COL14A1: variants seen among roughly 807,000 people sequenced by gnomAD.
COL14A1 encodes collagen type XIV alpha 1 chain.
A neutral mutation model predicts 230.3 loss-of-function variants in COL14A1; 136 were observed. That is an observed-to-expected ratio of 0.59 (90% confidence interval 0.51 to 0.68). The LOEUF is 0.68. Ranked by LOEUF, COL14A1 falls within the 30% of genes least tolerant of loss-of-function variation. The probability of loss-of-function intolerance (pLI) is 0.00; values close to 1 mark genes in which losing one functional copy is unlikely to be tolerated. For missense variants in COL14A1, 1,976 were observed against 2,215.8 expected, an observed-to-expected ratio of 0.89 and a Z score of 2.17; for synonymous variants, 792 against 784.1, an observed-to-expected ratio of 1.01 and a Z score of -0.17.
At chr8:120,337,286 C>T (rs770466273) in intron 42 of COL14A1, among the ~76,000 whole-genome samples, 6 of 151,562 alleles carry the variant, frequency 4.0e-5, no homozygotes, top group Non-Finnish European at 8.8e-5. Context: ...ATCCCAGCTA[C>T]TCAGGAAGCT....
chr8:120,270,691 T>C (rs1439794411), intron 26 of COL14A1, among the ~76,000 whole-genome samples: 1 of 151,680 alleles, frequency 6.6e-6, no homozygotes, highest in Non-Finnish European at 1.5e-5. Context: ...GACATACCAG[T>C]CAGAATGGCT....
rs781626748 is a variant in COL14A1, at chr8:120,226,306, T to TA, written c.1865-321_1865-320insA. Among the ~76,000 whole-genome samples, 239 of 141,730 alleles carry TA rather than the reference T, an allele frequency of 1.7e-3. 2 individuals are homozygous for TA. The East Asian group carries it at 0.027, about 16-fold the overall frequency. The allele number at this position is 141,730 out of a possible 152,430, so 93.0% of individuals were successfully genotyped here. On this transcript the variant is annotated intron_variant, in intron 15 of 47. Coordinates refer to ENST00000297848, the MANE Select transcript of COL14A1 (RefSeq NM_021110.4). ...CCTCAAGATACTTGGAAAATAATAT[T>TA]TAAAAAAAAAATGAATATGGCACTC... is the stretch of plus-strand genomic sequence containing the variant.
At chr8:120,152,062 T>C (rs141009632) in intron 2 of COL14A1, among the ~76,000 whole-genome samples, 1 of 152,280 alleles carries the variant, frequency 6.6e-6, no homozygotes, top group East Asian at 1.9e-4. Flanking sequence ...CCCGGTGAGA[T>C]TGATTTCAAA....
At chr8:120,345,692 C>A in intron 45 of COL14A1, 129 bp downstream of exon 45, 1 of 816,194 alleles carries the variant, frequency 1.2e-6, no homozygotes, top group Non-Finnish European at 1.7e-6. Context: ...CCCATCTATT[C>A]TTCAGTTTCT....
chr8:120,191,793 T>G (rs945343212), intron 5 of COL14A1, among the ~76,000 whole-genome samples: 6 of 152,266 alleles, frequency 3.9e-5, no homozygotes, highest in African/African-American at 1.2e-4. Context: ...CCTTTACAAT[T>G]ATGTAATGGC....
At chr8:120,182,227 C>T (rs1204176531) in intron 5 of COL14A1, among the ~76,000 whole-genome samples, 1 of 152,128 alleles carries the variant, frequency 6.6e-6, no homozygotes, top group Non-Finnish European at 1.5e-5. Context: ...ATTTTTAAAA[C>T]AATCAGATAC....
At chr8:120,251,371 T>A (rs547218982) in intron 22 of COL14A1, among the ~76,000 whole-genome samples, 1 of 152,298 alleles carries the variant, frequency 6.6e-6, no homozygotes, top group South Asian at 2.1e-4. Context: ...AATGTCAAAG[T>A]TGGAGCAGGA....
At chr8:120,177,685 A>G (rs1251968227) in intron 5 of COL14A1, among the ~76,000 whole-genome samples, 1 of 134,374 alleles carries the variant, frequency 7.4e-6, no homozygotes, top group Non-Finnish European at 1.6e-5. Context: ...CTGTATACAT[A>G]TAAAAAGACT....
chr8:120,199,854 G>C (rs979411449), intron 8 of COL14A1, among the ~76,000 whole-genome samples: 21 of 151,952 alleles, frequency 1.4e-4, no homozygotes, highest in Non-Finnish European at 2.9e-5. Context: ...GTACATGTTT[G>C]TTACTGTTTA....
intron 42 of COL14A1, 106 bp from the exon 43 acceptor site, chr8:120,341,219 A>G (rs1370542801): frequency 6.5e-6 from 7 of 1,085,026 alleles, no homozygotes; most frequent in Middle Eastern, 2.1e-4. Flanking sequence ...CTGCAGAATT[A>G]CTGGTGCTAA....
chr8:120,310,531 G>A (rs1179898732), intron 37 of COL14A1, among the ~76,000 whole-genome samples: 1 of 152,124 alleles, frequency 6.6e-6, no homozygotes, highest in Non-Finnish European at 1.5e-5. Context: ...ATCAAATGTG[G>A]TGGTTCAGGT....
In COL14A1 at chr8:120,198,072, C is replaced by T. The variant is rs1270562675; in HGVS notation, c.712+142C>T. 6.2e-6 allele frequency: 5 copies of T among 804,966 alleles called. No individual in the cohort carries two copies. In the African/African-American group the frequency reaches 8.7e-5, roughly 14 times the overall value. The allele number at this position is 804,966 out of a possible 1,614,324, so 49.9% of individuals were successfully genotyped here. On this transcript the variant is annotated intron_variant, in intron 7 of 47. Transcript: ENST00000297848. ...ATTCTTTGATGGCTGTTTTCCCAAA[C>T]TCAGCATTGAGTTAAAAGCCAGATA...
In COL14A1 at chr8:120,283,816, G is replaced by T. The variant is rs1448738762; in HGVS notation, c.3967+38G>T. ...ATTGAGATCACATTCACATATACATGTATGAGTAATGTATGTGGCATGCCA... is the reference window on the plus strand; with the variant it reads ...ATTGAGATCACATTCACATATACATTTATGAGTAATGTATGTGGCATGCCA... On this transcript the variant is annotated intron_variant, in intron 32 of 47. Coordinates refer to ENST00000297848, the MANE Select transcript of COL14A1 (RefSeq NM_021110.4). 4.5e-6 allele frequency: 7 copies of T among 1,552,354 alleles called. No individual in the cohort carries two copies. The African/African-American group carries it at 8.2e-5, about 18-fold the overall frequency.
At chr8:120,250,083 C>T (rs548614521) in intron 21 of COL14A1, among the ~76,000 whole-genome samples, 1 of 152,260 alleles carries the variant, frequency 6.6e-6, no homozygotes, top group South Asian at 2.1e-4. Flanking sequence ...AAAATGCTAG[C>T]TAATCAAGGG....
intron 21 of COL14A1, among the ~76,000 whole-genome samples, chr8:120,249,949 G>A (rs1194027134): frequency 6.6e-6 from 1 of 152,178 alleles, no homozygotes; most frequent in Non-Finnish European, 1.5e-5. Flanking sequence ...AGCTCTTAAA[G>A]AATGAGCATG....
At chr8:120,223,675 AAAC>A (rs1260186780) in intron 14 of COL14A1, among the ~76,000 whole-genome samples, 6 of 152,146 alleles carry the variant, frequency 3.9e-5, no homozygotes, top group Admixed American at 2.0e-4. Context: ...TGTCTCCAAA[AAAC>A]AACAACAAAA....
intron 35 of COL14A1, among the ~76,000 whole-genome samples, chr8:120,299,940 T>A (rs1820659527): frequency 6.6e-6 from 1 of 152,164 alleles, no homozygotes; most frequent in Non-Finnish European, 1.5e-5. Context: ...CCAAAGGGAC[T>A]GATGAACTCT....
At chr8:120,192,029 C>A (rs978184257) in intron 5 of COL14A1, among the ~76,000 whole-genome samples, 19 of 151,528 alleles carry the variant, frequency 1.3e-4, no homozygotes, top group South Asian at 1.0e-3. Flanking sequence ...TTAATTGGAG[C>A]ATTTAGTCCA....
intron 41 of COL14A1, 89 bp downstream of exon 41, chr8:120,332,283 A>C: frequency 8.0e-7 from 1 of 1,255,796 alleles, no homozygotes; most frequent in Non-Finnish European, 1.2e-6. Flanking sequence ...ATCTTTTACC[A>C]GCAGCCGTCT....
Sources: allele counts gnomAD v4.1 joint callset (sites outside exome capture counted in the v4.1 genomes callset), GRCh38; gene constraint gnomAD v4.1.1; transcripts MANE v1.5; gene names NCBI Gene and HGNC (gene_info 2026-07-23, HGNC 2026-07-21).